The following PDE10A variants were observed in gnomAD, a reference collection of about 807,000 sequenced individuals.
PDE10A encodes the protein phosphodiesterase 10A, also known as cAMP and cAMP-inhibited cGMP 3',5'-cyclic phosphodiesterase 10A.
In PDE10A, 39 loss-of-function variants were observed where a neutral mutation model predicts 97.7. The ratio of observed to expected loss-of-function variants is 0.40; its 90% confidence interval spans 0.31 to 0.52. The LOEUF (loss-of-function observed/expected upper bound fraction) is 0.52, where lower values mean the gene tolerates loss of function less well. Among genes scored for constraint, PDE10A ranks in the 20% least tolerant of loss-of-function variants. The pLI is 0.56. For missense variants in PDE10A, 731 were observed against 1,047.8 expected (o/e 0.70, Z 4.17); for synonymous variants, 371 against 376.8 (o/e 0.98, Z 0.18).
chr6:165,788,389 C>T (rs1018481274), intron 1 of PDE10A, among the ~76,000 whole-genome samples: 1 of 151,622 alleles, frequency 6.6e-6, no homozygotes, highest in African/African-American at 2.4e-5. Flanking sequence ...TGGTGGTGAG[C>T]ACCTGTAATC....
intron 2 of PDE10A, among the ~76,000 whole-genome samples, chr6:165,529,671 T>C (rs1198775081): frequency 6.6e-6 from 1 of 152,240 alleles, no homozygotes; most frequent in Non-Finnish European, 1.5e-5. Context: ...TTTTATCATG[T>C]TACGTAAGAT....
At chr6:165,757,139 G>T (rs773247327) in intron 1 of PDE10A, among the ~76,000 whole-genome samples, 1 of 151,956 alleles carries the variant, frequency 6.6e-6, no homozygotes, top group Non-Finnish European at 1.5e-5. Flanking sequence ...GCTAATTTTT[G>T]CATTTTTAGT....
intron 1 of PDE10A, among the ~76,000 whole-genome samples, chr6:165,697,727 G>A (rs942054095): frequency 2.0e-5 from 3 of 152,206 alleles, no homozygotes; most frequent in African/African-American, 7.2e-5. Flanking sequence ...GCGATTGGAA[G>A]TACTTAATGG....
chr6:165,565,051 G>A (rs1784708816), intron 1 of PDE10A, among the ~76,000 whole-genome samples: 1 of 152,130 alleles, frequency 6.6e-6, no homozygotes, highest in Non-Finnish European at 1.5e-5. Flanking sequence ...TGAGAGGATG[G>A]GAAAGATATT....
chr6:165,363,495 G>A lies in PDE10A; in HGVS notation c.2783+15699C>T, dbSNP rs576407833. 2.5e-4 allele frequency among the ~76,000 whole-genome samples: 38 copies of A among 151,742 alleles called. No individual in the cohort carries two copies. In the East Asian group the frequency reaches 6.0e-3, roughly 24 times the overall value. On this transcript the variant is annotated intron_variant, in intron 18 of 21. Transcript: ENST00000539869. Reference sequence around the variant, plus strand: ...GTGCCACTGCACTCCCAGCCTGGGCGACTGAGTGAGACTCTGTCTCAAAAA... The same window carrying A: ...GTGCCACTGCACTCCCAGCCTGGGCAACTGAGTGAGACTCTGTCTCAAAAA...
chr6:165,549,601 G>A (rs1180268571), intron 1 of PDE10A, among the ~76,000 whole-genome samples: 1 of 152,204 alleles, frequency 6.6e-6, no homozygotes, highest in African/African-American at 2.4e-5. Context: ...TGGGATCACA[G>A]ACGTGAGCCA....
At chr6:165,449,036 G>T in intron 4 of PDE10A, 59 bp from the exon 5 acceptor site, 2 of 1,191,052 alleles carry the variant, frequency 1.7e-6, no homozygotes, top group Non-Finnish European at 2.5e-6. Flanking sequence ...TAACATGTAT[G>T]CATCCTCCAG....
At chr6:165,665,194 C>T (rs184114999), upstream of PDE10A, among the ~76,000 whole-genome samples, 169 of 152,328 alleles carry the variant, frequency 1.1e-3, no homozygotes, top group Middle Eastern at 3.4e-3. Flanking sequence ...TGATCTCCCT[C>T]CTTCATACTG....
intron 3 of PDE10A, among the ~76,000 whole-genome samples, chr6:165,468,863 C>A (rs1311643716): frequency 6.6e-6 from 1 of 152,168 alleles, no homozygotes; most frequent in Non-Finnish European, 1.5e-5. Context: ...CCCCAAACAA[C>A]CTTTAAACGG....
Position 165,332,682 on chromosome 6 carries a change from T to A in PDE10A, c.*343A>T. 3.9e-6 allele frequency: 1 copy of A among 258,158 alleles called. No individual in the cohort carries two copies. 16.0% of individuals were successfully genotyped at this position (258,158 alleles called of 1,614,324 possible). On this transcript the variant is annotated 3_prime_UTR_variant, in exon 22 of 22. Coordinates refer to ENST00000539869, the MANE Select transcript of PDE10A (RefSeq NM_001385079.1). ...TTAAACCCTTATTAGAAAGATACAA[T>A]GGAAAAGTACCCCTTCTGGATAATT...
chr6:165,515,913 T>G (rs776092586), intron 2 of PDE10A, among the ~76,000 whole-genome samples: 3 of 152,128 alleles, frequency 2.0e-5, no homozygotes, highest in Non-Finnish European at 4.4e-5. Context: ...TATTTATATT[T>G]TAAAACACTG....
chr6:165,816,516 C>T (rs974668367), intron 1 of PDE10A, among the ~76,000 whole-genome samples: 45 of 152,188 alleles, frequency 3.0e-4, no homozygotes, highest in African/African-American at 9.7e-4. Flanking sequence ...TGAAAGCCAT[C>T]ACCTCCCCTT....
chr6:165,893,841 T>C (rs191835620), intron 1 of PDE10A, among the ~76,000 whole-genome samples: 7,706 of 151,486 alleles, frequency 0.051, 279 homozygotes, highest in Middle Eastern at 0.13. Flanking sequence ...TTTTTTTTTT[T>C]AGCTTTTGGC....
chr6:165,875,442 C>T (rs1455655716), intron 1 of PDE10A, among the ~76,000 whole-genome samples: 1 of 152,120 alleles, frequency 6.6e-6, no homozygotes, highest in Non-Finnish European at 1.5e-5. Context: ...TACGCAGGGG[C>T]ATTTAATAGT....
intron 1 of PDE10A, among the ~76,000 whole-genome samples, chr6:165,959,222 A>G (rs1016264868): frequency 3.3e-5 from 5 of 152,140 alleles, no homozygotes; most frequent in Non-Finnish European, 7.4e-5. Flanking sequence ...ATTCCTAAAA[A>G]ATGTTCAGCT....
chr6:165,784,832 C>A (rs1332722638), intron 1 of PDE10A, among the ~76,000 whole-genome samples: 1 of 152,124 alleles, frequency 6.6e-6, no homozygotes, highest in Non-Finnish European at 1.5e-5. Context: ...GATGGAATCA[C>A]TTAGTTGGTC....
chr6:165,340,297 T>G (rs1781900240), intron 19 of PDE10A, among the ~76,000 whole-genome samples: 1 of 152,236 alleles, frequency 6.6e-6, no homozygotes, highest in Non-Finnish European at 1.5e-5. Context: ...ATAGTTTTTA[T>G]TATTTTAGTA....
intron 2 of PDE10A, among the ~76,000 whole-genome samples, chr6:165,521,167 T>C (rs1782107941): frequency 6.6e-6 from 1 of 152,180 alleles, no homozygotes; most frequent in Non-Finnish European, 1.5e-5. Flanking sequence ...ACTGTCATTG[T>C]TTGGAGAGCT....
At chr6:165,652,278 G>T (rs1789721938) in intron 1 of PDE10A, among the ~76,000 whole-genome samples, 1 of 151,902 alleles carries the variant, frequency 6.6e-6, no homozygotes, top group East Asian at 1.9e-4. Flanking sequence ...GTCTTTTGAG[G>T]CAGGGTCTCC....
Sources: allele counts gnomAD v4.1 joint callset (sites outside exome capture counted in the v4.1 genomes callset), GRCh38; gene constraint gnomAD v4.1.1; transcripts MANE v1.5; gene names NCBI Gene and HGNC (gene_info 2026-07-23, HGNC 2026-07-21).